The following DERPC variants were observed in gnomAD, a reference collection of about 807,000 sequenced individuals.
The protein encoded by DERPC is decreased expression in renal and prostate cancer protein.
In DERPC, 1 loss-of-function variant was observed where a neutral mutation model predicts 7.2. That is an observed-to-expected ratio of 0.14 (90% CI 0.05 to 0.66). DERPC has a LOEUF of 0.66. Among genes scored for constraint, DERPC ranks in the 30% least tolerant of loss-of-function variants. The pLI is 0.84. For synonymous variants in DERPC, 185 were observed against 117.6 expected, an observed-to-expected ratio of 1.57 and a Z score of -3.71; for missense variants, 502 against 299.4, an observed-to-expected ratio of 1.68 and a Z score of -4.99.
At chr16:69,124,194 T>A (rs984069768) in intron 1 of DERPC, among the ~76,000 whole-genome samples, 1 of 152,154 alleles carries the variant, frequency 6.6e-6, no homozygotes, top group Non-Finnish European at 1.5e-5. Context: ...TTGTAAGAAC[T>A]GGACATTTTT....
intron 1 of DERPC, among the ~76,000 whole-genome samples, chr16:69,129,961 C>T (rs1962375082): frequency 6.6e-6 from 1 of 152,212 alleles, no homozygotes; most frequent in Non-Finnish European, 1.5e-5. Flanking sequence ...CTCAATGCCA[C>T]CTCTAGGACG....
At position 69,120,624 on chromosome 16, in the gene DERPC, T is replaced by A; in HGVS notation, c.-196A>T. On this transcript the variant is annotated 5_prime_UTR_variant, in exon 3 of 3. Coordinates refer to ENST00000519520, the MANE Select transcript of DERPC (RefSeq NM_001002847.4). The surrounding 1 kb of genome is among the most constrained non-coding windows in gnomAD (Gnocchi z 4.0). ...GATGATTTTCCCATACAGGATATGA[T>A]GCCCCACGATCAGCACAGGGATTCC... The A allele has an allele frequency of 3.1e-6, 5 of 1,612,892 alleles. No individual in the cohort carries two copies. The highest frequency in any genetic ancestry group is 4.2e-6 in the Non-Finnish European group (5 of 1,178,984).
Position 69,119,707 on chromosome 16 carries a change from C to G in DERPC, c.722G>C (p.Ser241Thr). ...GPGLGPNPRP[S>T]GLGPGPNLDA... ...TAGATTAGGGCCTGGGCCCAGGCCA[C>G]TTGGTCTTGGGTTGGGCCCAAGGCC... The change falls in exon 3 of 3, where the codon AGT (serine) becomes ACT (threonine). Residue 241 changes from serine to threonine, a missense_variant. Coordinates refer to ENST00000519520, the MANE Select transcript of DERPC (RefSeq NM_001002847.4). 1.5e-6 allele frequency: 1 copy of G among 679,838 alleles called. No homozygotes were observed. Among genetic ancestry groups the G allele is most frequent in the Non-Finnish European group, 2.7e-6 (1 of 371,826 alleles). The allele number at this position is 679,838 out of a possible 1,614,324, so 42.1% of individuals were successfully genotyped here.
In DERPC at chr16:69,120,108, T is replaced by C. The variant is rs1237263930; in HGVS notation, c.321A>G (p.Thr107=). 1 of 700,052 alleles carries C rather than the reference T, an allele frequency of 1.4e-6. No individual in the cohort carries two copies. Among genetic ancestry groups the C allele is most frequent in the Non-Finnish European group, 2.6e-6 (1 of 384,238 alleles). 43.4% of individuals were successfully genotyped at this position (700,052 alleles called of 1,614,324 possible). ...CAGGCCTTGGGAAAGAAACTGCACC[T>C]GTGCCAGTGGGATTCATCCCTCTTG... ...SFPRGMNPTG[T]GAVSFPRPGG... is the part of the protein sequence containing the mutation. The change falls in exon 3 of 3, where the codon ACA becomes ACG. Residue 107 remains threonine, a synonymous_variant. Transcript: ENST00000519520. The surrounding 1 kb of genome is among the most constrained non-coding windows in gnomAD (Gnocchi z 4.0).
chr16:69,125,109 GGT>G (rs35418423), intron 1 of DERPC, among the ~76,000 whole-genome samples: 11,089 of 152,044 alleles, frequency 0.073, 543 homozygotes, highest in African/African-American at 0.13. Context: ...TCTCCATGTT[GGT>G]CAGGCTGGTC....
At chr16:69,127,265 C>T (rs1280485340) in intron 1 of DERPC, among the ~76,000 whole-genome samples, 5 of 149,712 alleles carry the variant, frequency 3.3e-5, no homozygotes, top group African/African-American at 1.2e-4. Context: ...CATATGAGAA[C>T]ATGCAACCCA....
In DERPC at chr16:69,119,258, G is replaced by A. The variant is rs1186533086; in HGVS notation, c.1171C>T (p.Leu391Phe). 7.1e-6 allele frequency: 5 copies of A among 702,916 alleles called. No homozygotes were observed. The highest frequency in any genetic ancestry group is 1.3e-5 in the Non-Finnish European group (5 of 385,000). 43.5% of individuals were successfully genotyped at this position (702,916 alleles called of 1,614,324 possible). A position where few individuals can be genotyped will look rare whatever the true frequency, so the allele number is the denominator to read the frequency against. Residue 391 changes from leucine to phenylalanine, a missense_variant, in exon 3 of 3, where the codon CTC (leucine) becomes TTC (phenylalanine). Leu to Phe is a conservative substitution (Grantham distance 22). Coordinates refer to ENST00000519520, the MANE Select transcript of DERPC (RefSeq NM_001002847.4). ...AAAATGGTTGGATTTGAGCCCTGGA[G>A]GCCAGCGGACCTTTGGAAGGTAGCT... ...NPATFQRSAGLQGSNPTIFPR... is the reference protein window; with the variant it reads ...NPATFQRSAGFQGSNPTIFPR...
intron 2 of DERPC, chr16:69,121,215 G>C: frequency 6.5e-6 from 10 of 1,547,976 alleles, no homozygotes; most frequent in African/African-American, 1.4e-5. Context: ...GAGGGGTGAA[G>C]GATGAATAGT....
In DERPC at chr16:69,119,978, G is replaced by C. The variant is rs1236304311; in HGVS notation, c.451C>G (p.Pro151Ala). 1 of 698,294 alleles carries C rather than the reference G, an allele frequency of 1.4e-6. No individual in the cohort carries two copies. Among genetic ancestry groups the C allele is most frequent in the East Asian group, 2.7e-5 (1 of 37,090 alleles). The allele number at this position is 698,294 out of a possible 1,614,324, so 43.3% of individuals were successfully genotyped here. ...PLSNPRLGGL[P>A]GPGPMSNPRA... ...GGGTTGGACATAGGACCTGGTCCTG[G>C]GAGACCCCCTAACCTGGGGTTAGAC... The change falls in exon 3 of 3, where the codon CCA becomes GCA. Residue 151 changes from proline (P) to alanine (A), a missense_variant. Physicochemically the swap from Pro to Ala is conservative, Grantham distance 27. Coordinates refer to ENST00000519520, the MANE Select transcript of DERPC (RefSeq NM_001002847.4).
chr16:69,126,262 T>C (rs769607353), intron 1 of DERPC, among the ~76,000 whole-genome samples: 4 of 152,230 alleles, frequency 2.6e-5, no homozygotes, highest in African/African-American at 7.2e-5. Flanking sequence ...CGTTAAGCAC[T>C]GTGACCATGT....
Position 69,118,735 on chromosome 16 carries a change from C to T in DERPC, c.*119G>A. ...AAAGGAAAAAGATGGCTCATTTGAA[C>T]TTGAGCCCAAGCTATGTTCTTCAGA... is the stretch of plus-strand genomic sequence containing the variant. On this transcript the variant is annotated 3_prime_UTR_variant, in exon 3 of 3. Transcript: ENST00000519520. 1 of 640,300 alleles carries T rather than the reference C, an allele frequency of 1.6e-6. No homozygotes were observed. The highest frequency in any genetic ancestry group is 2.8e-6 in the Non-Finnish European group (1 of 357,082). The allele number at this position is 640,300 out of a possible 1,614,324, so 39.7% of individuals were successfully genotyped here.
intron 1 of DERPC, among the ~76,000 whole-genome samples, chr16:69,131,596 C>T (rs1171380390): frequency 6.7e-6 from 1 of 149,692 alleles, no homozygotes; most frequent in Non-Finnish European, 1.5e-5. Context: ...CTTCTCAATC[C>T]GCTTCCCCCC....
chr16:69,126,185 C>G (rs564094871), intron 1 of DERPC, among the ~76,000 whole-genome samples: 5 of 152,124 alleles, frequency 3.3e-5, no homozygotes, highest in African/African-American at 1.2e-4. Flanking sequence ...CATAGGTACA[C>G]GGTATATTCT....
intron 1 of DERPC, among the ~76,000 whole-genome samples, chr16:69,124,995 C>A (rs562468102): frequency 9.9e-5 from 15 of 151,894 alleles, no homozygotes; most frequent in Non-Finnish European, 1.6e-4. Context: ...ACCTCCACCT[C>A]CCGAATTCAA....
rs572322733 is a variant in DERPC at position 69,130,526 on chromosome 16, G to C, written c.-280+1958C>G. ...TAGTGAAGCACTCACTTGTCATACA[G>C]ACCTGGATTCTGTGATTTTGCCACC... On this transcript the variant is annotated intron_variant, in intron 1 of 2. Transcript: ENST00000519520. Among the ~76,000 whole-genome samples the C allele has an allele frequency of 4.1e-4, 63 of 152,294 alleles. No individual in the cohort carries two copies. In the South Asian group the frequency reaches 0.012, roughly 30 times the overall value.
intron 1 of DERPC, among the ~76,000 whole-genome samples, chr16:69,126,707 G>T (rs991011410): frequency 6.6e-6 from 1 of 152,238 alleles, no homozygotes; most frequent in Middle Eastern, 3.4e-3. Flanking sequence ...TACGCACGTG[G>T]GTGTATTTAC....
At position 69,118,418 on chromosome 16, in the gene DERPC, G is replaced by A. The variant is rs757193734; in HGVS notation, c.*436C>T. The A allele has an allele frequency of 6.2e-7, 1 of 1,613,628 alleles. No homozygotes were observed. Among genetic ancestry groups the A allele is most frequent in the Admixed American group, 1.7e-5 (1 of 59,998 alleles). On this transcript the variant is annotated 3_prime_UTR_variant, in exon 3 of 3. Transcript: ENST00000519520. ...CCAAGCTGCCCAGGTCAGAGCTACG[G>A]AAGCATGGTCCGTTCACCAACGCCA...
Position 69,121,485 on chromosome 16 carries a change from G to A in DERPC, c.-271C>T, listed in dbSNP as rs777948178. The A allele has an allele frequency of 5.6e-6, 9 of 1,593,544 alleles. No individual in the cohort carries two copies. In the South Asian group the frequency reaches 9.1e-5, roughly 16 times the overall value. ...AGCTTTCTGTCTTTAAAAAGCAAGT[G>A]AAAACAAGCTGTAGAGAGAAAAAAA... On this transcript the variant is annotated 5_prime_UTR_variant, in exon 2 of 3. Transcript: ENST00000519520.
In DERPC at chr16:69,120,899, G is replaced by A. The variant is rs745497016; in HGVS notation, c.-221-250C>T. 1.0e-4 allele frequency: 83 copies of A among 798,502 alleles called. No homozygotes were observed. The highest frequency in any genetic ancestry group is 1.5e-4 in the Non-Finnish European group (69 of 446,052). 49.5% of individuals were successfully genotyped at this position (798,502 alleles called of 1,614,324 possible). ...CCCAAAATTAAATTTCCCTGCTACTGCAGAGGTAGGGGGAGAACAAGCAGA... is the reference window on the plus strand; with the variant it reads ...CCCAAAATTAAATTTCCCTGCTACTACAGAGGTAGGGGGAGAACAAGCAGA... On this transcript the variant is annotated intron_variant, in intron 2 of 2. Coordinates refer to ENST00000519520, the MANE Select transcript of DERPC (RefSeq NM_001002847.4). The surrounding 1 kb of genome is among the most constrained non-coding windows in gnomAD (Gnocchi z 4.0).
Sources: allele counts gnomAD v4.1 joint callset (sites outside exome capture counted in the v4.1 genomes callset), GRCh38; gene constraint gnomAD v4.1.1; non-coding constraint Gnocchi (gnomAD v3.1); transcripts MANE v1.5; gene names NCBI Gene and HGNC (gene_info 2026-07-23, HGNC 2026-07-21).